Variants in HECW1 observed in about 807,000 individuals in gnomAD.
HECW1 encodes HECT, C2 and WW domain containing E3 ubiquitin protein ligase 1.
In HECW1, 61 loss-of-function variants were observed where a neutral mutation model predicts 182.3. That is an observed-to-expected ratio of 0.33 (90% CI 0.27 to 0.41). The LOEUF is 0.41. Ranked by LOEUF, HECW1 falls within the 10% of genes least tolerant of loss-of-function variation. The pLI is 1.00. For synonymous variants in HECW1, 859 were observed against 832.6 expected (o/e 1.03, Z -0.55); for missense variants, 1,739 against 2,108.9 (o/e 0.82, Z 3.44).
intron 2 of HECW1, among the ~76,000 whole-genome samples, chr7:43,166,907 G>A (rs1240415272): frequency 6.6e-6 from 1 of 152,192 alleles, no homozygotes; most frequent in Non-Finnish European, 1.5e-5. Context: ...AGCAACTGTG[G>A]CCGCATGTGG....
At chr7:43,205,200 C>G (rs912539916) in intron 2 of HECW1, among the ~76,000 whole-genome samples, 1 of 151,970 alleles carries the variant, frequency 6.6e-6, no homozygotes, top group Non-Finnish European at 1.5e-5. Flanking sequence ...TCTCTTGCCT[C>G]AGCCTCCCAA....
chr7:43,159,973 C>G (rs1286321916), intron 2 of HECW1, among the ~76,000 whole-genome samples: 1 of 152,142 alleles, frequency 6.6e-6, no homozygotes, highest in East Asian at 1.9e-4. Context: ...GCCACCGCGC[C>G]CAGCTGTATC....
intron 7 of HECW1, among the ~76,000 whole-genome samples, chr7:43,397,796 G>C (rs113767366): frequency 0.12 from 18,549 of 152,154 alleles, 1,328 homozygotes; most frequent in Middle Eastern, 0.28. Context: ...GTTGCTTCAG[G>C]TCATCTGGAT....
At chr7:43,198,556 CTTCACTTACACACA>C (rs1583927503) in intron 2 of HECW1, among the ~76,000 whole-genome samples, 1 of 149,708 alleles carries the variant, frequency 6.7e-6, no homozygotes, top group Non-Finnish European at 1.5e-5. Context: ...CTCACACACC[CTTCACTTACACACA>C]TTCACATACC....
chr7:43,467,719 G>A lies in HECW1; in HGVS notation c.2913+1151G>A, dbSNP rs905586728. Among the ~76,000 whole-genome samples, 3 of 152,100 alleles carry A rather than the reference G, an allele frequency of 2.0e-5. 1 individual carries two copies. In the South Asian group the frequency reaches 6.2e-4, roughly 32 times the overall value. On this transcript the variant is annotated intron_variant, in intron 15 of 29. Coordinates refer to ENST00000395891, the MANE Select transcript of HECW1 (RefSeq NM_015052.5). ...ATGGCTCCATTCAGGGACATTTCTC[G>A]TGGACTCAGCAGCACTTAGGTCCAC... is the stretch of plus-strand genomic sequence containing the variant.
At chr7:43,137,770 G>A (rs1373503929) in intron 2 of HECW1, among the ~76,000 whole-genome samples, 3 of 151,964 alleles carry the variant, frequency 2.0e-5, no homozygotes, top group East Asian at 3.9e-4. Flanking sequence ...GGCTGGTCTC[G>A]AACTCCTGAG....
intron 8 of HECW1, among the ~76,000 whole-genome samples, chr7:43,412,446 T>C (rs139106170): frequency 0.14 from 21,014 of 150,674 alleles, 1,752 homozygotes; most frequent in Middle Eastern, 0.23. Flanking sequence ...TATTTATTTA[T>C]TTATTTATTT....
intron 3 of HECW1, chr7:43,258,493 T>C (rs1328387120): frequency 1.3e-5 from 2 of 152,204 alleles, no homozygotes; most frequent in Non-Finnish European, 2.9e-5. Context: ...GAGAGGCGTA[T>C]GGATACCAGA....
chr7:43,279,361 T>C (rs1235457429), intron 3 of HECW1, among the ~76,000 whole-genome samples: 1 of 152,168 alleles, frequency 6.6e-6, no homozygotes, highest in African/African-American at 2.4e-5. Context: ...AAATAAAATA[T>C]TTGTTCATAA....
At position 43,565,847 on chromosome 7, in the gene HECW1, C is replaced by T. The variant is rs895480294; in HGVS notation, c.*3921C>T. The T allele has an allele frequency of 5.3e-6, 1 of 188,358 alleles. No individual in the cohort carries two copies. The highest frequency in any genetic ancestry group is 2.3e-5 in the African/African-American group (1 of 42,736). 11.7% of individuals were successfully genotyped at this position (188,358 alleles called of 1,614,324 possible). A position where few individuals can be genotyped will look rare whatever the true frequency, so the allele number is the denominator to read the frequency against. ...AGGAAATGTCTACAACAATTTTGTT[C>T]AAAAGTCTGTTCTAGTCAATAGCAG... is the stretch of plus-strand genomic sequence containing the variant. On this transcript the variant is annotated 3_prime_UTR_variant, in exon 30 of 30. Coordinates refer to ENST00000395891, the MANE Select transcript of HECW1 (RefSeq NM_015052.5).
In HECW1 at chr7:43,292,671, G is replaced by GGTC. The variant is rs1313980906; in HGVS notation, c.28-19092_28-19091insGTC. 1.3e-3 allele frequency among the ~76,000 whole-genome samples: 199 copies of GGTC among 152,300 alleles called. 6 individuals carry two copies. The South Asian group carries it at 0.04, about 31-fold the overall frequency. On this transcript the variant is annotated intron_variant, in intron 3 of 29. Transcript: ENST00000395891. Reference sequence around the variant, plus strand: ...CAGAGCTAGGAAGGTGACCTTTGGTGACATACCTCTTCCATTCAGCACATG... The same window carrying GGTC: ...CAGAGCTAGGAAGGTGACCTTTGGTGGTCACATACCTCTTCCATTCAGCACATG...
chr7:43,367,097 T>C (rs1314616948), intron 6 of HECW1, among the ~76,000 whole-genome samples: 1 of 152,262 alleles, frequency 6.6e-6, no homozygotes. Context: ...ATTCTGGCTT[T>C]CATGATATCA....
chr7:43,469,232 A>G, intron 16 of HECW1, 127 bp downstream of exon 16: 1 of 961,350 alleles, frequency 1.0e-6, no homozygotes, highest in Non-Finnish European at 1.6e-6. Flanking sequence ...GGCCGCCAGC[A>G]GTAAAGGGGC....
chr7:43,365,594 C>T (rs1159003848), intron 6 of HECW1, among the ~76,000 whole-genome samples: 1 of 152,214 alleles, frequency 6.6e-6, no homozygotes, highest in Non-Finnish European at 1.5e-5. Context: ...GATTATGTTA[C>T]ACTGGATTAT....
At chr7:43,127,806 G>GTC (rs1786440038) in intron 2 of HECW1, among the ~76,000 whole-genome samples, 4 of 151,950 alleles carry the variant, frequency 2.6e-5, no homozygotes. Flanking sequence ...AAGTGCTGAT[G>GTC]GAGAAGCTGC....
intron 2 of HECW1, among the ~76,000 whole-genome samples, chr7:43,198,663 C>A (rs1344944253): frequency 2.0e-5 from 3 of 149,594 alleles, no homozygotes; most frequent in South Asian, 2.1e-4. Context: ...TCACACACAC[C>A]CCCACACTCA....
intron 2 of HECW1, among the ~76,000 whole-genome samples, chr7:43,220,706 G>C (rs530375435): frequency 3.0e-4 from 45 of 152,316 alleles, no homozygotes; most frequent in African/African-American, 9.9e-4. Flanking sequence ...TTTTGGCTGA[G>C]CAGGTACATT....
At chr7:43,442,374 T>G in intron 9 of HECW1, among the ~76,000 whole-genome samples, 155 bp from the exon 10 acceptor site, 1 of 152,220 alleles carries the variant, frequency 6.6e-6, no homozygotes, top group Non-Finnish European at 1.5e-5. Context: ...GCATCTGTAT[T>G]CGATAAGGAC....
chr7:43,244,454 G>C (rs7792151), intron 3 of HECW1, among the ~76,000 whole-genome samples: 82,662 of 152,038 alleles, frequency 0.54, 25,411 homozygotes, highest in African/African-American at 0.85. Flanking sequence ...CCTGCCAATG[G>C]TCCTCCTTCC....
Sources: allele counts gnomAD v4.1 joint callset (sites outside exome capture counted in the v4.1 genomes callset), GRCh38; gene constraint gnomAD v4.1.1; transcripts MANE v1.5; gene names NCBI Gene and HGNC (gene_info 2026-07-23, HGNC 2026-07-21).